The following TM2D1 variants were observed in gnomAD, a reference collection of about 807,000 sequenced individuals.
The protein encoded by TM2D1 is TM2 domain containing 1.
Under a neutral mutation model 28.4 loss-of-function variants are expected in TM2D1, and 15 were observed. That is an observed-to-expected ratio of 0.53 (90% CI 0.35 to 0.81). TM2D1 has a LOEUF of 0.81. Ranked by LOEUF, TM2D1 falls within the 40% of genes least tolerant of loss-of-function variation. TM2D1 has a pLI of 0.01. For synonymous variants in TM2D1, 93 were observed against 96.2 expected, an observed-to-expected ratio of 0.97 and a Z score of 0.20; for missense variants, 236 against 254.9, an observed-to-expected ratio of 0.93 and a Z score of 0.50.
At chr1:61,722,775 A>T (rs1485796882) in intron 2 of TM2D1, among the ~76,000 whole-genome samples, 2 of 152,190 alleles carry the variant, frequency 1.3e-5, no homozygotes, top group Non-Finnish European at 2.9e-5. Flanking sequence ...TTTTCAGAAT[A>T]CAGAATAGAG....
intron 5 of TM2D1, among the ~76,000 whole-genome samples, chr1:61,691,932 A>AAAAAAAAAAAATATAT: frequency 3.9e-5 from 3 of 76,408 alleles, no homozygotes; most frequent in Non-Finnish European, 5.2e-5. Context: ...AAAAAAAAAA[A>AAAAAAAAAAAATATAT]ATATATATAT....
At chr1:61,716,469 TTATA>T (rs974882735) in intron 2 of TM2D1, among the ~76,000 whole-genome samples, 1 of 145,716 alleles carries the variant, frequency 6.9e-6, no homozygotes, top group South Asian at 2.1e-4. Context: ...ACATATATAA[TTATA>T]TATAATTTTA....
intron 4 of TM2D1, chr1:61,697,390 T>C (rs1644371027): frequency 6.6e-6 from 1 of 151,832 alleles, no homozygotes; most frequent in African/African-American, 2.4e-5. Flanking sequence ...TCTCACTATT[T>C]CCAAGGGTCT....
At chr1:61,723,910 A>G (rs1255048546) in intron 1 of TM2D1, 124 bp from the exon 2 acceptor site, 3 of 487,432 alleles carry the variant, frequency 6.2e-6, no homozygotes, top group Non-Finnish European at 1.1e-5. Flanking sequence ...AGTTTGTCCA[A>G]GTCAATAAGC....
At chr1:61,713,543 T>G (rs952025792) in intron 2 of TM2D1, among the ~76,000 whole-genome samples, 2 of 149,822 alleles carry the variant, frequency 1.3e-5, no homozygotes, top group African/African-American at 2.5e-5. Flanking sequence ...TAAACACAGG[T>G]TTTTTTTCTC....
intron 2 of TM2D1, among the ~76,000 whole-genome samples, chr1:61,718,193 G>C (rs1336187976): frequency 6.6e-6 from 1 of 152,038 alleles, no homozygotes; most frequent in Non-Finnish European, 1.5e-5. Context: ...GTGAGGCTAA[G>C]GTGGGAGGAT....
intron 5 of TM2D1, among the ~76,000 whole-genome samples, chr1:61,693,718 G>A (rs1644344149): frequency 6.6e-6 from 1 of 152,100 alleles, no homozygotes; most frequent in Admixed American, 6.6e-5. Flanking sequence ...TTCTTTTAAA[G>A]CATAATGATA....
intron 4 of TM2D1, among the ~76,000 whole-genome samples, chr1:61,700,600 T>C (rs1242044016): frequency 6.6e-6 from 1 of 152,190 alleles, no homozygotes; most frequent in African/African-American, 2.4e-5. Flanking sequence ...TTTGGAGTGG[T>C]AGAGGATGTA....
At chr1:61,700,825 A>T in intron 4 of TM2D1, 109 bp downstream of exon 4, 1 of 771,862 alleles carries the variant, frequency 1.3e-6, no homozygotes, top group South Asian at 2.0e-5. Context: ...ACTCAACTCC[A>T]ATTATATAGA....
At chr1:61,707,868 C>T (rs17122688) in intron 3 of TM2D1, among the ~76,000 whole-genome samples, 5,433 of 152,052 alleles carry the variant, frequency 0.036, 322 homozygotes, top group African/African-American at 0.12. Flanking sequence ...TGTACAGTGG[C>T]TTATTTCTTG....
intron 3 of TM2D1, among the ~76,000 whole-genome samples, chr1:61,705,183 GATT>G (rs1430726685): frequency 1.3e-5 from 2 of 152,066 alleles, no homozygotes; most frequent in Non-Finnish European, 2.9e-5. Flanking sequence ...GTATAGCAGA[GATT>G]AGTTATTCAC....
chr1:61,709,224 G>T, intron 3 of TM2D1, 105 bp downstream of exon 3: 1 of 718,102 alleles, frequency 1.4e-6, no homozygotes, highest in East Asian at 2.9e-5. Flanking sequence ...AAAGATAAAA[G>T]ATACATTTTC....
At chr1:61,706,287 T>G (rs1644439772) in intron 3 of TM2D1, among the ~76,000 whole-genome samples, 1 of 152,148 alleles carries the variant, frequency 6.6e-6, no homozygotes, top group South Asian at 2.1e-4. Flanking sequence ...CACTGCAACC[T>G]CTGCCTCTCA....
At chr1:61,710,527 CACAT>C (rs1411021965) in intron 2 of TM2D1, among the ~76,000 whole-genome samples, 3 of 145,500 alleles carry the variant, frequency 2.1e-5, no homozygotes, top group Non-Finnish European at 3.0e-5. Flanking sequence ...CACACACACA[CACAT>C]ATACGACTAC....
intron 6 of TM2D1, 98 bp from the exon 7 acceptor site, chr1:61,681,448 T>G (rs1557522498): frequency 6.6e-6 from 1 of 152,232 alleles, no homozygotes; most frequent in Admixed American, 6.5e-5. Context: ...TTGCTCAATG[T>G]ATTTTTTTCT....
intron 2 of TM2D1, among the ~76,000 whole-genome samples, chr1:61,720,281 G>A (rs1353127520): frequency 6.6e-6 from 1 of 150,704 alleles, no homozygotes; most frequent in African/African-American, 2.4e-5. Context: ...TGGCTCTGTC[G>A]CCCAGGCTGG....
At chr1:61,721,252 G>A (rs1026393217) in intron 2 of TM2D1, among the ~76,000 whole-genome samples, 10 of 151,184 alleles carry the variant, frequency 6.6e-5, no homozygotes, top group African/African-American at 2.4e-4. Flanking sequence ...AAAGAAAGAA[G>A]AAAATTAGGC....
intron 2 of TM2D1, among the ~76,000 whole-genome samples, chr1:61,712,291 C>A (rs566271005): frequency 3.2e-4 from 49 of 152,302 alleles, no homozygotes; most frequent in Admixed American, 7.2e-4. Context: ...CAAAAAAATT[C>A]TGCACATATA....
chr1:61,683,515 A>G lies in TM2D1; in HGVS notation c.545T>C (p.Ile182Thr), dbSNP rs1644262730. ...AAGTCTGGTTCCATAGTAATCTATA[A>G]TGTAACTACTTCCATCTGAAGGTCC... is the stretch of plus-strand genomic sequence containing the variant. ...IVGPSDGSSY[I>T]IDYYGTRLTR... The change falls in exon 6 of 7, where the codon ATT becomes ACT. Residue 182 changes from isoleucine to threonine, a missense_variant. By Grantham distance (89) the Ile-to-Thr change is moderately conservative. Around this residue, in one of 3 missense-constraint regions of TM2D1, gnomAD observed 64 missense variants for 73.1 expected, o/e 0.88. Transcript: ENST00000606498. 1 of 1,543,174 alleles carries G rather than the reference A, an allele frequency of 6.5e-7. No homozygotes were observed. Among genetic ancestry groups the G allele is most frequent in the Admixed American group, 2.1e-5 (1 of 46,632 alleles).
Sources: allele counts gnomAD v4.1 joint callset (sites outside exome capture counted in the v4.1 genomes callset), GRCh38; gene constraint gnomAD v4.1.1; regional missense constraint gnomAD v4.1.1; transcripts MANE v1.5; gene names NCBI Gene and HGNC (gene_info 2026-07-23, HGNC 2026-07-21).